Variants in SPAG16 observed in about 807,000 individuals in gnomAD.
The protein encoded by SPAG16 is sperm-associated antigen 16 protein.
A neutral mutation model predicts 80.4 loss-of-function variants in SPAG16; 86 were observed. That is an observed-to-expected ratio of 1.07 (90% confidence interval 0.90 to 1.28). The LOEUF is 1.28. Ranked by LOEUF, SPAG16 falls within the 50% of genes most tolerant of loss-of-function variation. The pLI is 0.00. For missense variants in SPAG16, 870 were observed against 765.3 expected (o/e 1.14, Z -1.61); for synonymous variants, 294 against 265.9 (o/e 1.11, Z -1.03).
chr2:213,753,446 C>A (rs1331582587), intron 10 of SPAG16, among the ~76,000 whole-genome samples: 1 of 152,180 alleles, frequency 6.6e-6, no homozygotes, highest in Non-Finnish European at 1.5e-5. Flanking sequence ...TAAGATATTT[C>A]TCAGGCCAGG....
chr2:213,849,480 A>G (rs2074796685), intron 10 of SPAG16, among the ~76,000 whole-genome samples: 1 of 152,230 alleles, frequency 6.6e-6, no homozygotes, highest in South Asian at 2.1e-4. Context: ...TGATAAAAAA[A>G]TTAATATTGG....
intron 10 of SPAG16, among the ~76,000 whole-genome samples, chr2:213,532,462 ATTT>A (rs374457236): frequency 1.4e-5 from 2 of 139,964 alleles, no homozygotes; most frequent in Non-Finnish European, 1.6e-5. Flanking sequence ...GTTTAATTGA[ATTT>A]TTTTTTTTTT....
intron 9 of SPAG16, among the ~76,000 whole-genome samples, chr2:213,385,880 G>A (rs1024225693): frequency 6.6e-6 from 1 of 151,774 alleles, no homozygotes; most frequent in African/African-American, 2.4e-5. Flanking sequence ...CTAAAATACT[G>A]TTGGTTTTCC....
At chr2:213,487,192 AT>A in intron 9 of SPAG16, among the ~76,000 whole-genome samples, 1 of 152,000 alleles carries the variant, frequency 6.6e-6, no homozygotes, top group Non-Finnish European at 1.5e-5. Flanking sequence ...TCAAATTATT[AT>A]TTAATTTATT....
intron 9 of SPAG16, among the ~76,000 whole-genome samples, chr2:213,401,162 C>G (rs911627896): frequency 6.6e-6 from 1 of 152,150 alleles, no homozygotes; most frequent in Admixed American, 6.5e-5. Context: ...TTATTTTGGT[C>G]AATGATAATT....
At chr2:213,976,135 T>TATATACACACACACACACAC (rs749957411) in intron 12 of SPAG16, among the ~76,000 whole-genome samples, 10 of 81,414 alleles carry the variant, frequency 1.2e-4, no homozygotes, top group African/African-American at 3.8e-4. Flanking sequence ...TATATATATA[T>TATATACACACACACACACAC]ACACACACAC....
intron 4 of SPAG16, among the ~76,000 whole-genome samples, chr2:213,315,107 G>C (rs1265104250): frequency 6.6e-6 from 1 of 151,784 alleles, no homozygotes; most frequent in African/African-American, 2.4e-5. Flanking sequence ...TCTAGAGTAA[G>C]CTTTGTAGGG....
At chr2:214,229,888 TAAC>T (rs934584046) in intron 15 of SPAG16, among the ~76,000 whole-genome samples, 22 of 151,920 alleles carry the variant, frequency 1.4e-4, no homozygotes, top group African/African-American at 5.1e-4. Flanking sequence ...ATTATTTTCA[TAAC>T]AAGTGTCAGC....
At chr2:214,211,012 A>G (rs1003027077) in intron 15 of SPAG16, among the ~76,000 whole-genome samples, 1 of 152,214 alleles carries the variant, frequency 6.6e-6, no homozygotes, top group African/African-American at 2.4e-5. Flanking sequence ...AACGTTATGC[A>G]CCATGTCATA....
intron 15 of SPAG16, among the ~76,000 whole-genome samples, chr2:214,346,183 T>G (rs922851824): frequency 1.3e-5 from 2 of 152,184 alleles, no homozygotes; most frequent in African/African-American, 4.8e-5. Context: ...CAAAAACAGT[T>G]TTGTCAGTCT....
chr2:213,532,385 C>T (rs2076097605), intron 10 of SPAG16, among the ~76,000 whole-genome samples: 2 of 151,690 alleles, frequency 1.3e-5, no homozygotes, highest in African/African-American at 4.8e-5. Context: ...AATTTGGAGG[C>T]GCTTCAAGGC....
At chr2:213,796,054 G>T (rs1052953848) in intron 10 of SPAG16, among the ~76,000 whole-genome samples, 1 of 151,992 alleles carries the variant, frequency 6.6e-6, no homozygotes, top group Admixed American at 6.6e-5. Flanking sequence ...TGGAGGATAC[G>T]ATATATCTTA....
intron 9 of SPAG16, among the ~76,000 whole-genome samples, chr2:213,391,381 AG>A (rs2067743512): frequency 6.6e-6 from 1 of 152,198 alleles, no homozygotes; most frequent in Admixed American, 6.5e-5. Flanking sequence ...TGTTTACCTT[AG>A]CATCTGTTAG....
intron 10 of SPAG16, among the ~76,000 whole-genome samples, chr2:213,782,975 C>A (rs1435669165): frequency 6.6e-6 from 1 of 151,804 alleles, no homozygotes; most frequent in Non-Finnish European, 1.5e-5. Context: ...TATACATGTG[C>A]CATGCTGGTG....
At chr2:214,052,729 A>G (rs1382290159) in intron 13 of SPAG16, among the ~76,000 whole-genome samples, 2 of 152,118 alleles carry the variant, frequency 1.3e-5, no homozygotes, top group Non-Finnish European at 1.5e-5. Flanking sequence ...CTGATACCCA[A>G]TCTCAATGTG....
At chr2:214,188,540 T>C (rs879846776) in intron 15 of SPAG16, among the ~76,000 whole-genome samples, 1 of 152,190 alleles carries the variant, frequency 6.6e-6, no homozygotes, top group Non-Finnish European at 1.5e-5. Context: ...TCTATTTCTC[T>C]GTATTTCAAA....
intron 10 of SPAG16, among the ~76,000 whole-genome samples, chr2:213,604,750 A>G (rs1419059566): frequency 6.6e-6 from 1 of 151,688 alleles, no homozygotes; most frequent in Non-Finnish European, 1.5e-5. Flanking sequence ...TTCTAACTGC[A>G]TGGCTTTTCT....
Position 213,849,927 on chromosome 2 carries a change from C to T in SPAG16, c.1071-12558C>T, listed in dbSNP as rs530322193. On this transcript the variant is annotated intron_variant, in intron 10 of 15. Transcript: ENST00000331683. ...TTTAGAACATAAATGTGTAATGTAT[C>T]TTCTCAAACTTGTTAAATCATAAAG... Among the ~76,000 whole-genome samples, 3 of 152,188 alleles carry T rather than the reference C, an allele frequency of 2.0e-5. No individual in the cohort carries two copies. The East Asian group carries it at 5.8e-4, about 29-fold the overall frequency.
chr2:214,257,290 G>A (rs1234263527), intron 15 of SPAG16, among the ~76,000 whole-genome samples: 1 of 151,914 alleles, frequency 6.6e-6, no homozygotes, highest in Non-Finnish European at 1.5e-5. Flanking sequence ...GTGTTGTCAA[G>A]TTCTTAGGAT....
Sources: gnomAD v4.1 joint callset for allele counts (sites outside exome capture counted in the v4.1 genomes callset) on GRCh38, gnomAD v4.1.1 for gene constraint, MANE v1.5 for transcripts, NCBI Gene and HGNC (gene_info 2026-07-23, HGNC 2026-07-21) for gene names.